The following PCDHA5 variants were observed in gnomAD, a reference collection of about 807,000 sequenced individuals.
The protein encoded by PCDHA5 is protocadherin alpha 5.
Under a neutral mutation model 61.6 loss-of-function variants are expected in PCDHA5, and 43 were observed. That is an observed-to-expected ratio of 0.70 (90% CI 0.55 to 0.90). PCDHA5 has a LOEUF of 0.90. PCDHA5 is among the 40% of genes least tolerant of loss of function. The probability of loss-of-function intolerance (pLI) is 0.00; values close to 1 mark genes in which losing one functional copy is unlikely to be tolerated. For missense variants in PCDHA5, 1,298 were observed against 1,222.7 expected, an observed-to-expected ratio of 1.06 and a Z score of -0.92; for synonymous variants, 627 against 543.9, an observed-to-expected ratio of 1.15 and a Z score of -2.13.
rs201694939 is a variant in PCDHA5, at chr5:140,830,233, G to A, written c.2352+6106G>A. 38 of 1,613,906 alleles carry A rather than the reference G, an allele frequency of 2.4e-5. No individual in the cohort carries two copies. In the Admixed American group the frequency reaches 4.8e-4, roughly 21 times the overall value. ...CGGTATCCAGCCTGCTGGTCCTCAC[G>A]CTACTGCTGTACACAGCGCTGCGGT... On this transcript the variant is annotated intron_variant, in intron 1 of 3. Transcript: ENST00000529859.
chr5:140,888,764 T>A (rs74654123), intron 1 of PCDHA5, among the ~76,000 whole-genome samples: 4 of 152,186 alleles, frequency 2.6e-5, no homozygotes, highest in East Asian at 3.9e-4. Context: ...CTTTTTTTTT[T>A]AATTTTGAAG....
chr5:140,870,257 C>T (rs1554163963), intron 1 of PCDHA5: 1 of 1,614,172 alleles, frequency 6.2e-7, no homozygotes, highest in Non-Finnish European at 8.5e-7. Context: ...GGACAGGTGA[C>T]CTGCTCGCTG....
chr5:140,824,610 G>GTTTTTTTTT (rs2150135229), intron 1 of PCDHA5: 2,160 of 95,054 alleles, frequency 0.023, 363 homozygotes, highest in African/African-American at 0.035. Context: ...GCTAATTAAA[G>GTTTTTTTTT]TTTTTTTTTT....
chr5:140,834,541 G>A, intron 1 of PCDHA5: 2 of 1,614,080 alleles, frequency 1.2e-6, no homozygotes, highest in African/African-American at 1.3e-5. Flanking sequence ...CAGGACCTGG[G>A]GCTGGAGCTG....
intron 1 of PCDHA5, chr5:140,967,465 C>T: frequency 1.2e-6 from 2 of 1,613,512 alleles, no homozygotes; most frequent in Non-Finnish European, 1.7e-6. Flanking sequence ...TGGATGGGGG[C>T]ATCCCAGCCC....
intron 1 of PCDHA5, among the ~76,000 whole-genome samples, chr5:140,978,620 G>A (rs2096812690): frequency 6.6e-6 from 1 of 152,220 alleles, no homozygotes; most frequent in South Asian, 2.1e-4. Context: ...AGCAGTGAAA[G>A]CTTTTCCTTT....
chr5:140,849,597 G>T lies in PCDHA5; in HGVS notation c.2352+25470G>T, dbSNP rs2150442042. 77 of 1,598,656 alleles carry T rather than the reference G, an allele frequency of 4.8e-5. 9 individuals carry two copies. Among genetic ancestry groups the T allele is most frequent in the Admixed American group, 4.4e-4 (26 of 59,274 alleles). On this transcript the variant is annotated intron_variant, in intron 1 of 3. Transcript: ENST00000529859. ...AAAAGAGGACGCACAACTGGGGACA[G>T]TTATTGCCCTGATTAGTGTGATCGA...
chr5:140,929,161 C>T lies in PCDHA5; in HGVS notation c.2353-49788C>T. On this transcript the variant is annotated intron_variant, in intron 1 of 3. Transcript: ENST00000529859. ...GAGACTTTCTCAGACTTATCTCTAT[C>T]GGGCCTCTCTGGGACTTGGTTCTGA... 2 of 1,614,136 alleles carry T rather than the reference C, an allele frequency of 1.2e-6. No homozygotes were observed. The highest frequency in any genetic ancestry group is 1.7e-6 in the Non-Finnish European group (2 of 1,180,028).
rs377441374 is a variant in PCDHA5, at chr5:140,884,065, C to T, written c.2352+59938C>T. The T allele has an allele frequency of 3.7e-6, 6 of 1,613,346 alleles. No individual in the cohort carries two copies. The African/African-American group carries it at 5.3e-5, about 14-fold the overall frequency. ...TGGCGAAGGTGCGCGCGGTGGACGC[C>T]GATTCGGGCTACAATGCGTGGCTTT... is the stretch of plus-strand genomic sequence containing the variant. On this transcript the variant is annotated intron_variant, in intron 1 of 3. Transcript: ENST00000529859.
intron 1 of PCDHA5, among the ~76,000 whole-genome samples, chr5:140,957,708 T>TA (rs1330263414): frequency 6.6e-6 from 1 of 152,124 alleles, no homozygotes; most frequent in Non-Finnish European, 1.5e-5. Context: ...ATGTAGTTTT[T>TA]ATTAAGAAAG....
intron 3 of PCDHA5, among the ~76,000 whole-genome samples, chr5:140,998,057 A>G (rs2097795221): frequency 1.3e-5 from 2 of 152,294 alleles, no homozygotes; most frequent in South Asian, 4.1e-4. Flanking sequence ...TGACATCATC[A>G]TCAACAGACT....
intron 1 of PCDHA5, chr5:140,829,701 C>T: frequency 1.2e-6 from 2 of 1,613,356 alleles, no homozygotes; most frequent in South Asian, 1.1e-5. Flanking sequence ...CAGGTGAGCG[C>T]GCGCGACGCG....
intron 1 of PCDHA5, among the ~76,000 whole-genome samples, chr5:140,936,457 TG>T (rs782214118): frequency 2.2e-4 from 34 of 152,232 alleles, no homozygotes; most frequent in Non-Finnish European, 4.6e-4. Flanking sequence ...ATCTGTTTAG[TG>T]GTTGCTGTAG....
intron 1 of PCDHA5, chr5:140,869,210 C>A (rs781978731): frequency 1.7e-5 from 28 of 1,613,814 alleles, no homozygotes; most frequent in African/African-American, 1.5e-4. Context: ...TACTCCGTCT[C>A]GGAGGAGGCC....
At chr5:140,967,870 G>T in intron 1 of PCDHA5, 1 of 1,614,152 alleles carries the variant, frequency 6.2e-7, no homozygotes, top group Non-Finnish European at 8.5e-7. Flanking sequence ...TGGTGCTCAC[G>T]GACCTGTATA....
At chr5:140,834,431 G>A (rs2150217688) in intron 1 of PCDHA5, 15 of 1,611,328 alleles carry the variant, frequency 9.3e-6, no homozygotes. Flanking sequence ...ATCTACTGCT[G>A]TTTATTATAA....
chr5:140,856,364 G>A (rs782661319), intron 1 of PCDHA5: 1 of 1,598,600 alleles, frequency 6.3e-7, no homozygotes, highest in Non-Finnish European at 8.6e-7. Context: ...CATCCACCTG[G>A]AGGTGATCGT....
intron 1 of PCDHA5, among the ~76,000 whole-genome samples, chr5:140,977,977 C>T (rs193229659): frequency 2.0e-5 from 3 of 152,222 alleles, no homozygotes; most frequent in South Asian, 2.1e-4. Context: ...CCCATGAAAA[C>T]GCATCTAGAG....
chr5:140,986,285 A>AGACT (rs1311762694), intron 3 of PCDHA5, among the ~76,000 whole-genome samples: 3 of 152,134 alleles, frequency 2.0e-5, no homozygotes, highest in Admixed American at 2.0e-4. Flanking sequence ...GCTTCCCTTG[A>AGACT]GACTGAGCAG....
Sources: gnomAD v4.1 joint callset for allele counts (sites outside exome capture counted in the v4.1 genomes callset) on GRCh38, gnomAD v4.1.1 for gene constraint, MANE v1.5 for transcripts, NCBI Gene and HGNC (gene_info 2026-07-23, HGNC 2026-07-21) for gene names.